The following CCDC171 variants were observed in gnomAD, a reference collection of about 807,000 sequenced individuals.
The protein encoded by CCDC171 is coiled-coil domain-containing protein 171.
In CCDC171, 177 loss-of-function variants were observed where a neutral mutation model predicts 168.2. The observed-to-expected ratio is 1.05, with a 90% confidence interval of 0.93 to 1.19. The LOEUF (loss-of-function observed/expected upper bound fraction) is 1.19. CCDC171 is among the 50% of genes most tolerant of loss of function. The pLI, the probability that CCDC171 is intolerant of heterozygous loss-of-function variation, is 0.00. For synonymous variants in CCDC171, 687 were observed against 540.8 expected (o/e 1.27, Z -3.75); for missense variants, 1,991 against 1,539.0 (o/e 1.29, Z -4.91).
At chr9:16,045,651 C>A (rs894246512) in intron 1 of CCDC171, among the ~76,000 whole-genome samples, 2 of 152,176 alleles carry the variant, frequency 1.3e-5, no homozygotes, top group Non-Finnish European at 2.9e-5. Flanking sequence ...CCTGGAGTGT[C>A]CACTGCATTC....
chr9:15,889,704 C>T (rs1476840536), intron 24 of CCDC171, among the ~76,000 whole-genome samples: 1 of 152,166 alleles, frequency 6.6e-6, no homozygotes, highest in East Asian at 1.9e-4. Context: ...GTACTGAAAG[C>T]AGAATGGATG....
At chr9:15,735,468 C>T (rs1462572284) in intron 16 of CCDC171, among the ~76,000 whole-genome samples, 1 of 151,892 alleles carries the variant, frequency 6.6e-6, no homozygotes, top group Non-Finnish European at 1.5e-5. Context: ...TAAGGGTTAC[C>T]CTTGATGTAA....
At chr9:16,054,636 G>A (rs916261449) in intron 1 of CCDC171, among the ~76,000 whole-genome samples, 9 of 152,156 alleles carry the variant, frequency 5.9e-5, no homozygotes, top group African/African-American at 1.4e-4. Flanking sequence ...GGAAACTGCC[G>A]GCTTCAAGGT....
At chr9:15,663,056 C>G (rs978694943) in intron 8 of CCDC171, among the ~76,000 whole-genome samples, 2 of 152,196 alleles carry the variant, frequency 1.3e-5, no homozygotes, top group Non-Finnish European at 2.9e-5. Flanking sequence ...AGCCACCCCG[C>G]AAAGTAGATA....
chr9:15,750,032 A>G (rs1278015570), intron 18 of CCDC171, among the ~76,000 whole-genome samples: 1 of 122,272 alleles, frequency 8.2e-6, no homozygotes, highest in African/African-American at 3.4e-5. Flanking sequence ...CAGTGAATCC[A>G]GGAGCTGTTT....
intron 24 of CCDC171, among the ~76,000 whole-genome samples, chr9:15,902,583 C>T (rs2859730): frequency 0.3 from 45,787 of 151,838 alleles, 7,082 homozygotes; most frequent in African/African-American, 0.35. Flanking sequence ...GGAACAGCTC[C>T]AGTCTACAGC....
At chr9:15,661,016 C>A (rs567642390) in intron 8 of CCDC171, among the ~76,000 whole-genome samples, 3 of 152,308 alleles carry the variant, frequency 2.0e-5, no homozygotes, top group African/African-American at 7.2e-5. Context: ...CGCGGGGGCT[C>A]ACGCCTGTAA....
chr9:15,977,153 T>C (rs1417365461), downstream of CCDC171, among the ~76,000 whole-genome samples: 2 of 152,200 alleles, frequency 1.3e-5, no homozygotes, highest in African/African-American at 2.4e-5. Context: ...GGCTGTAGAA[T>C]GTGTTGATTG....
chr9:16,012,281 A>G (rs1164881515), intron 3 of CCDC171, among the ~76,000 whole-genome samples: 2 of 152,040 alleles, frequency 1.3e-5, no homozygotes, highest in African/African-American at 4.8e-5. Flanking sequence ...GGATCTCCTT[A>G]TTCTTGGTGT....
At chr9:15,632,903 G>C (rs957594563) in intron 7 of CCDC171, among the ~76,000 whole-genome samples, 1 of 152,038 alleles carries the variant, frequency 6.6e-6, no homozygotes, top group African/African-American at 2.4e-5. Flanking sequence ...ACAAACCTGA[G>C]AAAAACAAGC....
the CCDC171 span, among the ~76,000 whole-genome samples, chr9:16,097,538 A>G: frequency 6.6e-6 from 1 of 152,224 alleles, no homozygotes; most frequent in Admixed American, 6.5e-5. Flanking sequence ...GAAGCTACAC[A>G]GCTAGTGTGT....
At chr9:15,828,436 C>T (rs1458737600) in intron 21 of CCDC171, among the ~76,000 whole-genome samples, 3 of 151,708 alleles carry the variant, frequency 2.0e-5, no homozygotes, top group Admixed American at 6.6e-5. Flanking sequence ...TAGTTTGAAT[C>T]TATTTTGAAA....
chr9:15,773,835 G>C (rs892380242), intron 18 of CCDC171, among the ~76,000 whole-genome samples: 10 of 152,104 alleles, frequency 6.6e-5, no homozygotes. Context: ...AAAGAAATAA[G>C]CAGCAGAGTT....
intron 16 of CCDC171, 135 bp downstream of exon 16, chr9:15,729,933 A>G (rs923727571): frequency 2.8e-5 from 17 of 605,282 alleles, no homozygotes; most frequent in African/African-American, 2.7e-4. Context: ...AGATACACAT[A>G]TATTTGTTTA....
chr9:15,575,197 G>A (rs963793273), intron 3 of CCDC171, among the ~76,000 whole-genome samples: 10 of 124,308 alleles, frequency 8.0e-5, no homozygotes, highest in East Asian at 7.1e-4. Context: ...ACAGGGTCTC[G>A]CTCTGTCACC....
intron 16 of CCDC171, among the ~76,000 whole-genome samples, chr9:15,731,488 A>G (rs760839601): frequency 6.6e-6 from 1 of 152,146 alleles, no homozygotes; most frequent in Non-Finnish European, 1.5e-5. Flanking sequence ...TTCACTCAAT[A>G]TTAATGTTCC....
intron 23 of CCDC171, among the ~76,000 whole-genome samples, chr9:15,861,828 T>G (rs745898316): frequency 1.3e-5 from 2 of 152,042 alleles, no homozygotes; most frequent in Non-Finnish European, 1.5e-5. Flanking sequence ...TATATTTACC[T>G]TTGTGTTCTA....
chr9:15,912,797 A>T (rs1244718837), intron 24 of CCDC171, among the ~76,000 whole-genome samples: 1 of 152,148 alleles, frequency 6.6e-6, no homozygotes, highest in African/African-American at 2.4e-5. Flanking sequence ...TGAGATAATC[A>T]TGTGGTTTTT....
intron 6 of CCDC171, among the ~76,000 whole-genome samples, chr9:16,031,219 A>G (rs1388044319): frequency 1.3e-5 from 2 of 152,186 alleles, no homozygotes; most frequent in Non-Finnish European, 2.9e-5. Context: ...AGCTTCTCCC[A>G]ACTGGAACAC....
Sources: gnomAD v4.1 joint callset for allele counts (sites outside exome capture counted in the v4.1 genomes callset) on GRCh38, gnomAD v4.1.1 for gene constraint, MANE v1.5 for transcripts, NCBI Gene and HGNC (gene_info 2026-07-23, HGNC 2026-07-21) for gene names.